Variants in WDR25 observed in about 807,000 individuals in gnomAD.
The protein encoded by WDR25 is WD repeat-containing protein 25.
Under a neutral mutation model 47.7 loss-of-function variants are expected in WDR25, and 35 were observed. The observed-to-expected ratio is 0.73, with a 90% confidence interval of 0.56 to 0.97. The LOEUF is 0.97. WDR25 is among the 50% of genes least tolerant of loss of function. The probability of loss-of-function intolerance (pLI) is 0.00; values close to 1 mark genes in which losing one functional copy is unlikely to be tolerated. For missense variants in WDR25, 634 were observed against 704.7 expected (o/e 0.90, Z 1.14); for synonymous variants, 248 against 278.9 (o/e 0.89, Z 1.10).
intron 2 of WDR25, among the ~76,000 whole-genome samples, chr14:100,436,166 C>T (rs1898494191): frequency 1.3e-5 from 2 of 152,190 alleles, no homozygotes; most frequent in East Asian, 3.9e-4. Flanking sequence ...GCTAACAAAG[C>T]TTTCTCACCT....
Position 100,486,047 on chromosome 14 carries a change from T to TAA in WDR25, c.1101+1934_1101+1935dup, listed in dbSNP as rs527456737. 8.7e-3 allele frequency among the ~76,000 whole-genome samples: 1,257 copies of TAA among 143,818 alleles called. 13 individuals are homozygous for TAA. Among genetic ancestry groups the TAA allele is most frequent in the African/African-American group, 0.028 (1,121 of 39,738 alleles). 94.4% of individuals were successfully genotyped at this position (143,818 alleles called of 152,430 possible). ...CATAAAGAAGTGGACACAGTGGCAT[T>TAA]AAAAAAAAAAAACCGCCAAAACACG... is the stretch of plus-strand genomic sequence containing the variant. On this transcript the variant is annotated intron_variant, in intron 4 of 6. Transcript: ENST00000402312.
At chr14:100,520,925 T>A (rs1383495900) in intron 4 of WDR25, among the ~76,000 whole-genome samples, 1 of 152,200 alleles carries the variant, frequency 6.6e-6, no homozygotes, top group African/African-American at 2.4e-5. Context: ...AAACCTTATT[T>A]GTGCAGTTAA....
chr14:100,457,658 G>A (rs111780365), intron 2 of WDR25, among the ~76,000 whole-genome samples: 1,614 of 152,280 alleles, frequency 0.011, 16 homozygotes, highest in Middle Eastern at 0.037. Context: ...AAATATGTGG[G>A]AAAATGTAAG....
chr14:100,423,332 G>C (rs1002675356), intron 2 of WDR25, among the ~76,000 whole-genome samples: 1 of 152,236 alleles, frequency 6.6e-6, no homozygotes, highest in East Asian at 1.9e-4. Context: ...GGAAGCTGTC[G>C]GTGGTTGGCA....
At chr14:100,450,132 C>A (rs1898977056) in intron 2 of WDR25, among the ~76,000 whole-genome samples, 1 of 152,214 alleles carries the variant, frequency 6.6e-6, no homozygotes. Flanking sequence ...GCTTAAAAAA[C>A]CATCCATTTT....
intron 2 of WDR25, among the ~76,000 whole-genome samples, chr14:100,431,507 G>T (rs1184758955): frequency 6.6e-6 from 1 of 151,382 alleles, no homozygotes; most frequent in African/African-American, 2.4e-5. Context: ...TGGAGAGCCT[G>T]TTTGGCCTAG....
chr14:100,448,142 C>T (rs1173000475), intron 2 of WDR25, among the ~76,000 whole-genome samples: 1 of 149,500 alleles, frequency 6.7e-6, no homozygotes, highest in Non-Finnish European at 1.5e-5. Flanking sequence ...TTGTGGTGAG[C>T]CGAGATCGTG....
At position 100,390,391 on chromosome 14, in the gene WDR25, C is replaced by CTGTGTGTGTGTGTGTGTG. The variant is rs55802109; in HGVS notation, c.822+8664_822+8681dup. Among the ~76,000 whole-genome samples the CTGTGTGTGTGTGTGTGTG allele has an allele frequency of 1.1e-3, 164 of 146,706 alleles. 1 individual carries two copies. Among genetic ancestry groups the CTGTGTGTGTGTGTGTGTG allele is most frequent in the African/African-American group, 1.6e-3 (62 of 39,444 alleles). ...CCTAAAAAGCTGACCTGACCAAAAG[C>CTGTGTGTGTGTGTGTGTG]TGTGTGTGTGTGTGTGTGTGTGTGT... On this transcript the variant is annotated intron_variant, in intron 2 of 6. Coordinates refer to ENST00000402312, the MANE Select transcript of WDR25 (RefSeq NM_001161476.3).
rs1046254956 is a variant in WDR25, at chr14:100,529,742, C to T, written c.1414-78C>T. ...TGCTCCGTCAGCTCGGGGCTTCAGC[C>T]TGCTCCTCTGTAGAATGGGCATACT... On this transcript the variant is annotated intron_variant, in intron 6 of 6. Transcript: ENST00000402312. This position sits in a 1 kb window ranked among gnomAD's most constrained non-coding sequence, Gnocchi z 5.1. 3 of 1,484,286 alleles carry T rather than the reference C, an allele frequency of 2.0e-6. No homozygotes were observed. The African/African-American group carries it at 4.1e-5, about 20-fold the overall frequency. The allele number at this position is 1,484,286 out of a possible 1,614,324, so 91.9% of individuals were successfully genotyped here.
chr14:100,398,362 A>G, intron 2 of WDR25, among the ~76,000 whole-genome samples: 1 of 152,196 alleles, frequency 6.6e-6, no homozygotes, highest in East Asian at 1.9e-4. Flanking sequence ...TTCAGCCAGC[A>G]TTCCAGTAAA....
chr14:100,511,458 G>A (rs1901308861), intron 4 of WDR25, among the ~76,000 whole-genome samples: 1 of 152,120 alleles, frequency 6.6e-6, no homozygotes, highest in African/African-American at 2.4e-5. Context: ...AGATAATCAT[G>A]TTGTCTGTTA....
At chr14:100,520,233 C>T (rs1901672299) in intron 4 of WDR25, among the ~76,000 whole-genome samples, 1 of 151,568 alleles carries the variant, frequency 6.6e-6, no homozygotes. Flanking sequence ...AAATATTTTT[C>T]TTGTGGAGAC....
rs368498942 is a variant in WDR25, at chr14:100,381,719, C to T, written c.795C>T (p.Leu265=). Residue 265 remains leucine, a synonymous_variant, in exon 2 of 7, where the codon CTC becomes CTT. Transcript: ENST00000402312. ...CPVLSKSHML[L]STSMDKTFKV... Reference sequence around the variant, plus strand: ...TCCTTTCTAAGAGCCACATGCTTCTCTCCACTTCTATGGATAAAACTTTCA... The same window carrying T: ...TCCTTTCTAAGAGCCACATGCTTCTTTCCACTTCTATGGATAAAACTTTCA... The T allele has an allele frequency of 1.2e-6, 2 of 1,608,432 alleles. No individual in the cohort carries two copies. Among genetic ancestry groups the T allele is most frequent in the Admixed American group, 3.4e-5 (2 of 58,162 alleles).
chr14:100,511,710 T>C (rs187376521), intron 4 of WDR25, among the ~76,000 whole-genome samples: 62 of 152,342 alleles, frequency 4.1e-4, no homozygotes, highest in South Asian at 2.1e-4. Flanking sequence ...AAGTATTCTC[T>C]TTCAGTTACA....
In WDR25 at chr14:100,499,467, G is replaced by T. The variant is rs2140345001; in HGVS notation, c.1101+15343G>T. ...AGTCGAAAGGTAAGCATGGTTTTTAGGTTCCGGAAACCACTGCCTGCTTCC... is the reference window on the plus strand; with the variant it reads ...AGTCGAAAGGTAAGCATGGTTTTTATGTTCCGGAAACCACTGCCTGCTTCC... On this transcript the variant is annotated intron_variant, in intron 4 of 6. Coordinates refer to ENST00000402312, the MANE Select transcript of WDR25 (RefSeq NM_001161476.3). The surrounding 1 kb of genome is among the most constrained non-coding windows in gnomAD (Gnocchi z 4.4). Among the ~76,000 whole-genome samples, 1 of 152,322 alleles carries T rather than the reference G, an allele frequency of 6.6e-6. No individual in the cohort carries two copies. The highest frequency in any genetic ancestry group is 2.1e-4 in the South Asian group (1 of 4,824).
At chr14:100,448,481 G>A (rs569457485) in intron 2 of WDR25, among the ~76,000 whole-genome samples, 1 of 152,270 alleles carries the variant, frequency 6.6e-6, no homozygotes, top group South Asian at 2.1e-4. Flanking sequence ...CATGCTGGCC[G>A]TGAGTCATGG....
intron 3 of WDR25, among the ~76,000 whole-genome samples, chr14:100,469,100 G>T (rs1043873624): frequency 1.3e-5 from 2 of 152,216 alleles, no homozygotes; most frequent in Non-Finnish European, 2.9e-5. Context: ...ACCAGTCCCT[G>T]GGGCTCCCCT....
chr14:100,505,511 A>C (rs1901080773), intron 4 of WDR25, among the ~76,000 whole-genome samples: 1 of 152,182 alleles, frequency 6.6e-6, no homozygotes, highest in East Asian at 1.9e-4. Context: ...TTTGAGATTG[A>C]GAAGTTTAAG....
intron 2 of WDR25, among the ~76,000 whole-genome samples, chr14:100,426,492 CA>C (rs1175155629): frequency 6.6e-6 from 1 of 152,226 alleles, no homozygotes; most frequent in African/African-American, 2.4e-5. Context: ...GCAGAGCTGT[CA>C]AAAGTCAATA....
Sources: allele counts gnomAD v4.1 joint callset (sites outside exome capture counted in the v4.1 genomes callset), GRCh38; gene constraint gnomAD v4.1.1; non-coding constraint Gnocchi (gnomAD v3.1); transcripts MANE v1.5; gene names NCBI Gene and HGNC (gene_info 2026-07-23, HGNC 2026-07-21).